Variants in SYNE3 observed in about 807,000 individuals in gnomAD.
SYNE3 encodes spectrin repeat containing nuclear envelope family member 3.
A neutral mutation model predicts 111.2 loss-of-function variants in SYNE3; 100 were observed. The observed-to-expected ratio is 0.90, with a 90% CI of 0.77 to 1.06. SYNE3 has a LOEUF of 1.06. Among genes scored for constraint, SYNE3 ranks in the 50% least tolerant of loss-of-function variants. SYNE3 has a pLI of 0.00. For missense variants in SYNE3, 1,160 were observed against 1,240.3 expected (o/e 0.94, Z 0.97); for synonymous variants, 547 against 533.9 (o/e 1.02, Z -0.34).
At chr14:95,490,857 C>T (rs909707059) in intron 1 of SYNE3, among the ~76,000 whole-genome samples, 14 of 152,230 alleles carry the variant, frequency 9.2e-5, no homozygotes, top group Admixed American at 2.6e-4. Context: ...GGCTGTGGCA[C>T]GCAGTACCAG....
chr14:95,467,341 C>T (rs948673196), intron 3 of SYNE3, among the ~76,000 whole-genome samples: 12 of 152,152 alleles, frequency 7.9e-5, no homozygotes, highest in Non-Finnish European at 1.6e-4. Context: ...TGAGGTTCAG[C>T]GAGGTCAGGT....
At chr14:95,452,409 G>A (rs115968095) in intron 6 of SYNE3, 26 bp from the exon 7 acceptor site, 12 of 1,581,890 alleles carry the variant, frequency 7.6e-6, no homozygotes, top group Middle Eastern at 1.7e-4. Context: ...ACACCGCAGC[G>A]GGAGGTGAGG....
At chr14:95,422,964 G>C (rs554203110) in intron 17 of SYNE3, among the ~76,000 whole-genome samples, 1 of 152,306 alleles carries the variant, frequency 6.6e-6, no homozygotes, top group African/African-American at 2.4e-5. Flanking sequence ...TTCTGACTTG[G>C]ATGTTGTCTT....
In SYNE3 at chr14:95,514,775, C is replaced by CT. The variant is rs770281234; in HGVS notation, c.-15+1820dup. On this transcript the variant is annotated intron_variant, in intron 1 of 17. Transcript: ENST00000682763. The stretch of plus-strand genomic sequence containing the variant: ...CAGCTGGACAATGCGGGAAGCCTAG[C>CT]TGCCCAGTGGGTTCCCAAAGGCTCC... Among the ~76,000 whole-genome samples the CT allele has an allele frequency of 3.9e-5, 6 of 152,258 alleles. No individual in the cohort carries two copies. In the East Asian group the frequency reaches 7.7e-4, roughly 20 times the overall value.
In SYNE3 at chr14:95,430,651, C is replaced by G. The variant is rs529327199; in HGVS notation, c.2727+1428G>C. 3.3e-5 allele frequency among the ~76,000 whole-genome samples: 5 copies of G among 152,190 alleles called. No individual in the cohort carries two copies. The South Asian group carries it at 8.3e-4, about 25-fold the overall frequency. On this transcript the variant is annotated intron_variant, in intron 17 of 17. Transcript: ENST00000682763. ...CTAGCCTGGCCAACATGGTGAAACC[C>G]CGTCTCTACTGAAAATACAAAAATT...
chr14:95,455,195 T>C (rs1001773932), intron 6 of SYNE3, among the ~76,000 whole-genome samples, 182 bp downstream of exon 6: 1 of 152,078 alleles, frequency 6.6e-6, no homozygotes, highest in Non-Finnish European at 1.5e-5. Flanking sequence ...ATCTAGAAAA[T>C]GGGGATAAAC....
intron 17 of SYNE3, among the ~76,000 whole-genome samples, chr14:95,425,162 C>T (rs1283202697): frequency 6.6e-6 from 1 of 151,930 alleles, no homozygotes; most frequent in Non-Finnish European, 1.5e-5. Context: ...AGGAGAATCG[C>T]TTGAACCTGG....
chr14:95,446,102 C>A lies in SYNE3; in HGVS notation c.1450-11G>T. 1 of 1,613,592 alleles carries A rather than the reference C, an allele frequency of 6.2e-7. No homozygotes were observed. The highest frequency in any genetic ancestry group is 8.5e-7 in the Non-Finnish European group (1 of 1,179,870). On this transcript the variant is annotated splice_polypyrimidine_tract_variant and intron_variant, in intron 8 of 17. Transcript: ENST00000682763. ...TTCCATCAGGGCTGCCTGTGGGAGA[C>A]AAGGCTTCCGTGAACCACAGACCGG...
In SYNE3 at chr14:95,408,811, A is replaced by G. The variant is rs1464634655; in HGVS notation, c.*9015T>C. ...CGACTGCCTCCTTGTTTCTCCCATG[A>G]GAGGAATTGGAACTGCTCAGCAGGC... On this transcript the variant is annotated 3_prime_UTR_variant, in exon 18 of 18. Coordinates refer to ENST00000682763, the MANE Select transcript of SYNE3 (RefSeq NM_152592.6). 8.5e-6 allele frequency: 2 copies of G among 236,272 alleles called. No homozygotes were observed. The highest frequency in any genetic ancestry group is 4.5e-5 in the African/African-American group (2 of 44,476). 14.6% of individuals were successfully genotyped at this position (236,272 alleles called of 1,614,324 possible).
At chr14:95,491,638 C>A (rs138545219) in intron 1 of SYNE3, among the ~76,000 whole-genome samples, 2 of 152,218 alleles carry the variant, frequency 1.3e-5, no homozygotes, top group East Asian at 3.9e-4. Flanking sequence ...AGAAAACATA[C>A]GCATCAATCT....
Position 95,438,970 on chromosome 14 carries a change from C to A in SYNE3, c.2376+63G>T, listed in dbSNP as rs1886251155. 2.5e-6 allele frequency: 4 copies of A among 1,604,242 alleles called. No homozygotes were observed. In the South Asian group the frequency reaches 4.4e-5, roughly 18 times the overall value. The stretch of plus-strand genomic sequence containing the variant: ...ACAGGGAGGGGCCTGTGCTGGAGAC[C>A]CCTACCCACCTCTTGACCTGGGGCC... On this transcript the variant is annotated intron_variant, in intron 14 of 17. Coordinates refer to ENST00000682763, the MANE Select transcript of SYNE3 (RefSeq NM_152592.6).
chr14:95,418,110 G>A, intron 17 of SYNE3, 84 bp from the exon 18 acceptor site: 5 of 1,435,430 alleles, frequency 3.5e-6, no homozygotes, highest in Non-Finnish European at 2.9e-6. Context: ...AGGATGCCAG[G>A]AGCGGTGGTA....
At position 95,410,374 on chromosome 14, in the gene SYNE3, G is replaced by A. The variant is rs1301609643; in HGVS notation, c.*7452C>T. ...ACCCTACCCTTCATTCTTACTAGAA[G>A]AGCCCCCATCTTTTTGGGGCACATG... is the stretch of plus-strand genomic sequence containing the variant. On this transcript the variant is annotated 3_prime_UTR_variant, in exon 18 of 18. Transcript: ENST00000682763. 6.6e-6 allele frequency: 1 copy of A among 152,242 alleles called. No homozygotes were observed. 9.4% of individuals were successfully genotyped at this position (152,242 alleles called of 1,614,324 possible). A position where few individuals can be genotyped will look rare whatever the true frequency, so the allele number is the denominator to read the frequency against.
chr14:95,439,006 T>C, intron 14 of SYNE3, 27 bp downstream of exon 14: 1 of 1,612,042 alleles, frequency 6.2e-7, no homozygotes, highest in South Asian at 1.1e-5. Context: ...TGGCCCCTTC[T>C]CCCACAGCCC....
At chr14:95,434,950 T>C (rs1184130308) in intron 15 of SYNE3, among the ~76,000 whole-genome samples, 2 of 152,218 alleles carry the variant, frequency 1.3e-5, no homozygotes, top group Admixed American at 6.5e-5. Context: ...CACCGTGCCC[T>C]GCCTATCCTA....
chr14:95,504,829 GAA>G (rs992941575), intron 1 of SYNE3, among the ~76,000 whole-genome samples: 2 of 22,426 alleles, frequency 8.9e-5, no homozygotes, highest in Non-Finnish European at 1.9e-4. Context: ...TAAAAAAAAA[GAA>G]AAAAGAAAAA....
In SYNE3 at chr14:95,475,753, C is replaced by T; in HGVS notation, c.69G>A (p.Val23=). 6.2e-7 allele frequency: 1 copy of T among 1,607,700 alleles called. No individual in the cohort carries two copies. The highest frequency in any genetic ancestry group is 1.7e-4 in the Middle Eastern group (1 of 6,048). ...TGTCATTGACCTGCAGCTGGTCCTG[C>T]ACAGCCTTCATCCATGCCTGGGCAT... The part of the protein sequence containing the change: ...VEDAQAWMKA[V]QDQLQVNDNT... The change falls in exon 2 of 18, where the codon GTG becomes GTA. Residue 23 remains valine, a synonymous_variant. Transcript: ENST00000682763.
Position 95,408,888 on chromosome 14 carries a change from C to A in SYNE3, c.*8938G>T, listed in dbSNP as rs1473949921. ...CTCTGCCTGCCCCCGCAAGGGCTGGCCTGTCCGTGCTTTTCCAGTGGGAAG... is the reference window on the plus strand; with the variant it reads ...CTCTGCCTGCCCCCGCAAGGGCTGGACTGTCCGTGCTTTTCCAGTGGGAAG... On this transcript the variant is annotated 3_prime_UTR_variant, in exon 18 of 18. Transcript: ENST00000682763. 1.1e-5 allele frequency: 4 copies of A among 348,916 alleles called. No homozygotes were observed. The highest frequency in any genetic ancestry group is 2.3e-5 in the Non-Finnish European group (4 of 175,952). The allele number at this position is 348,916 out of a possible 1,614,324, so 21.6% of individuals were successfully genotyped here.
rs562287020 is a variant in SYNE3 at position 95,408,556 on chromosome 14, G to A, written c.*9270C>T. ...GGGTAAAACGTCCTGAGCCCGATGT[G>A]GTCTCCCTGGCTTCTGAGAGACCAC... On this transcript the variant is annotated 3_prime_UTR_variant, in exon 18 of 18. Transcript: ENST00000682763. 38 of 154,192 alleles carry A rather than the reference G, an allele frequency of 2.5e-4. 1 individual carries two copies. The South Asian group carries it at 7.3e-3, about 30-fold the overall frequency. The allele number at this position is 154,192 out of a possible 1,614,324, so 9.6% of individuals were successfully genotyped here.
Sources: gnomAD v4.1 joint callset for allele counts (sites outside exome capture counted in the v4.1 genomes callset) on GRCh38, gnomAD v4.1.1 for gene constraint, MANE v1.5 for transcripts, NCBI Gene and HGNC (gene_info 2026-07-23, HGNC 2026-07-21) for gene names.